Variants in LINGO2 observed in about 807,000 individuals in gnomAD.
LINGO2 encodes the protein leucine-rich repeat and immunoglobulin-like domain-containing nogo receptor-interacting protein 2.
In LINGO2, 14 loss-of-function variants were observed where a neutral mutation model predicts 30.6. The ratio of observed to expected loss-of-function variants is 0.46; its 90% CI spans 0.30 to 0.72. The LOEUF is 0.72. Ranked by LOEUF, LINGO2 falls within the 30% of genes least tolerant of loss-of-function variation. The probability of loss-of-function intolerance (pLI) is 0.07; values close to 1 mark genes in which losing one functional copy is unlikely to be tolerated. For missense variants in LINGO2, 729 were observed against 751.7 expected (o/e 0.97, Z 0.35); for synonymous variants, 317 against 288.5 (o/e 1.10, Z -1.00).
chr9:29,155,880 A>G, the LINGO2 span, among the ~76,000 whole-genome samples: 5 of 152,048 alleles, frequency 3.3e-5, no homozygotes, highest in Non-Finnish European at 7.4e-5. Context: ...CATCTCCGTG[A>G]TGTTAAAAAC....
intron 2 of LINGO2, among the ~76,000 whole-genome samples, chr9:28,384,693 C>A (rs1012327790): frequency 6.6e-6 from 1 of 151,968 alleles, no homozygotes; most frequent in African/African-American, 2.4e-5. Context: ...CAGTTTATAA[C>A]AAGGAATAAA....
chr9:28,587,505 T>G (rs1824616942), intron 1 of LINGO2, among the ~76,000 whole-genome samples: 1 of 151,568 alleles, frequency 6.6e-6, no homozygotes, highest in Admixed American at 6.6e-5. Context: ...CTGGTGTGAG[T>G]GGTAAAGGTG....
the LINGO2 span, among the ~76,000 whole-genome samples, chr9:29,162,351 C>T: frequency 6.6e-6 from 1 of 152,062 alleles, no homozygotes; most frequent in Admixed American, 6.5e-5. Context: ...AGACAGTTAC[C>T]AAGGAAGCCA....
At chr9:28,620,109 T>C (rs984939162) in intron 1 of LINGO2, among the ~76,000 whole-genome samples, 5 of 151,376 alleles carry the variant, frequency 3.3e-5, no homozygotes, top group Admixed American at 2.6e-4. Context: ...AGCAATGGTC[T>C]TTCCACAGAG....
chr9:28,716,176 C>T, the LINGO2 span, among the ~76,000 whole-genome samples: 2 of 149,680 alleles, frequency 1.3e-5, no homozygotes, highest in Admixed American at 1.3e-4. Flanking sequence ...AAAAAAACAA[C>T]ATAAACAATA....
At chr9:28,932,032 G>A in the LINGO2 span, among the ~76,000 whole-genome samples, 5 of 151,548 alleles carry the variant, frequency 3.3e-5, no homozygotes, top group South Asian at 4.2e-4. Flanking sequence ...CGCCTGAACC[G>A]GGAGGCGAAG....
the LINGO2 span, among the ~76,000 whole-genome samples, chr9:28,993,348 T>C: frequency 1.3e-5 from 2 of 152,068 alleles, no homozygotes; most frequent in African/African-American, 4.8e-5. Context: ...GACCAATAAC[T>C]GGCTCTGAAA....
intron 4 of LINGO2, among the ~76,000 whole-genome samples, chr9:28,243,976 C>A (rs186997276): frequency 1.3e-5 from 2 of 152,228 alleles, no homozygotes; most frequent in Admixed American, 6.5e-5. Flanking sequence ...TCAAATGGAC[C>A]TAATAAATAT....
intron 4 of LINGO2, among the ~76,000 whole-genome samples, chr9:28,253,087 A>T (rs964312444): frequency 1.6e-4 from 25 of 152,222 alleles, no homozygotes; most frequent in African/African-American, 4.6e-4. Context: ...AAAAAAAAAA[A>T]ATATTATTTT....
chr9:28,217,643 T>C (rs1820815024), intron 4 of LINGO2, among the ~76,000 whole-genome samples: 1 of 152,062 alleles, frequency 6.6e-6, no homozygotes, highest in South Asian at 2.1e-4. Flanking sequence ...TAGTTTATAT[T>C]GTCTCCTTTA....
intron 4 of LINGO2, among the ~76,000 whole-genome samples, chr9:28,157,102 G>T (rs1006196158): frequency 1.3e-5 from 2 of 152,200 alleles, no homozygotes; most frequent in African/African-American, 4.8e-5. Context: ...TCTGTGTGGG[G>T]TCTTCAACCC....
chr9:28,854,856 G>A, the LINGO2 span, among the ~76,000 whole-genome samples: 9 of 151,994 alleles, frequency 5.9e-5, no homozygotes, highest in South Asian at 1.9e-3. Flanking sequence ...ACAATTAACA[G>A]AGCCACATGC....
chr9:29,036,792 TC>T, the LINGO2 span, among the ~76,000 whole-genome samples: 3,313 of 152,048 alleles, frequency 0.022, 115 homozygotes, highest in African/African-American at 0.074. Flanking sequence ...TTTTTACCTT[TC>T]CAAACTATAA....
chr9:28,288,582 A>T (rs1012038895), intron 4 of LINGO2, among the ~76,000 whole-genome samples: 1 of 152,042 alleles, frequency 6.6e-6, no homozygotes, highest in Non-Finnish European at 1.5e-5. Context: ...GTAGGTGTGA[A>T]CTACTTGAGG....
chr9:27,972,965 A>C (rs1480210788), intron 5 of LINGO2, among the ~76,000 whole-genome samples: 1 of 152,168 alleles, frequency 6.6e-6, no homozygotes, highest in Non-Finnish European at 1.5e-5. Context: ...GGCTGAAAAA[A>C]AGCAAATTTT....
At chr9:28,883,626 G>GTGTGTGTATGTATATA in the LINGO2 span, among the ~76,000 whole-genome samples, 2 of 25,638 alleles carry the variant, frequency 7.8e-5, no homozygotes, top group Admixed American at 1.5e-3. Flanking sequence ...ATATGTGTGT[G>GTGTGTGTATGTATATA]TGTATATATA....
At chr9:28,695,959 T>C in the LINGO2 span, among the ~76,000 whole-genome samples, 1 of 151,982 alleles carries the variant, frequency 6.6e-6, no homozygotes, top group East Asian at 1.9e-4. Context: ...GATGTTTCTT[T>C]ATGCTATGCA....
chr9:28,550,050 T>C (rs1002822605), intron 1 of LINGO2, among the ~76,000 whole-genome samples: 9 of 151,914 alleles, frequency 5.9e-5, no homozygotes, highest in African/African-American at 1.2e-4. Context: ...GTTAAAAGTA[T>C]CTATCTTTGC....
chr9:28,850,556 G>T, the LINGO2 span, among the ~76,000 whole-genome samples: 8 of 151,982 alleles, frequency 5.3e-5, 1 homozygote, highest in Non-Finnish European at 1.2e-4. Flanking sequence ...CAGAACTGGA[G>T]AAAGTAATTT....
Sources: allele counts gnomAD v4.1 joint callset (sites outside exome capture counted in the v4.1 genomes callset), GRCh38; gene constraint gnomAD v4.1.1; transcripts MANE v1.5; gene names NCBI Gene and HGNC (gene_info 2026-07-23, HGNC 2026-07-21).